Variants in YPEL2 observed in about 807,000 individuals in gnomAD.
YPEL2 encodes yippee like 2, also known as protein yippee-like 2.
In YPEL2, 2 loss-of-function variants were observed where a neutral mutation model predicts 19.1. The ratio of observed to expected loss-of-function variants is 0.10; its 90% CI spans 0.04 to 0.33. YPEL2 has a LOEUF of 0.33. YPEL2 is among the 10% of genes least tolerant of loss of function. The probability of loss-of-function intolerance (pLI) is 1.00; values close to 1 mark genes in which losing one functional copy is unlikely to be tolerated. For synonymous variants in YPEL2, 52 were observed against 50.0 expected (o/e 1.04, Z -0.17); for missense variants, 66 against 140.7 (o/e 0.47, Z 2.68).
intron 2 of YPEL2, among the ~76,000 whole-genome samples, chr17:59,379,010 A>T (rs539717610): frequency 1.3e-5 from 2 of 152,332 alleles, no homozygotes; most frequent in African/African-American, 4.8e-5. Context: ...CTATGTCCCC[A>T]TGTGGAAGAC....
intron 2 of YPEL2, among the ~76,000 whole-genome samples, chr17:59,357,778 G>A (rs1184238978): frequency 6.6e-6 from 1 of 152,010 alleles, no homozygotes; most frequent in African/African-American, 2.4e-5. Context: ...ACCCCTTGAT[G>A]GCATTGTGGA....
At chr17:59,383,985 G>A (rs2047967746) in intron 2 of YPEL2, among the ~76,000 whole-genome samples, 1 of 152,172 alleles carries the variant, frequency 6.6e-6, no homozygotes, top group Non-Finnish European at 1.5e-5. Flanking sequence ...CTCTCATATA[G>A]GTTTTTGTAT....
intron 2 of YPEL2, among the ~76,000 whole-genome samples, chr17:59,383,823 A>T (rs1437895081): frequency 3.3e-5 from 5 of 151,500 alleles, no homozygotes; most frequent in Admixed American, 6.6e-5. Context: ...TGTATTTCAG[A>T]TTCATCCGTG....
Position 59,357,501 on chromosome 17 carries a change from G to C in YPEL2, c.117+3975G>C, listed in dbSNP as rs191822405. Reference sequence around the variant, plus strand: ...GGGGTGTTGTGGTCTAAATGCTGGAGTGTTTGCACACAGAGGTATTTTGAG... The same window carrying C: ...GGGGTGTTGTGGTCTAAATGCTGGACTGTTTGCACACAGAGGTATTTTGAG... On this transcript the variant is annotated intron_variant, in intron 2 of 4. Coordinates refer to ENST00000312655, the MANE Select transcript of YPEL2 (RefSeq NM_001005404.4). Among the ~76,000 whole-genome samples the C allele has an allele frequency of 5.7e-4, 87 of 152,276 alleles. 1 individual carries two copies. Among genetic ancestry groups the C allele is most frequent in the African/African-American group, 2.0e-3 (84 of 41,554 alleles).
At chr17:59,395,406 G>A (rs1404515617) in intron 4 of YPEL2, among the ~76,000 whole-genome samples, 1 of 152,184 alleles carries the variant, frequency 6.6e-6, no homozygotes, top group African/African-American at 2.4e-5. Context: ...CTCAGGGAAG[G>A]GCTGATGTCC....
intron 4 of YPEL2, among the ~76,000 whole-genome samples, chr17:59,394,185 C>A (rs150405101): frequency 3.3e-5 from 5 of 151,254 alleles, no homozygotes; most frequent in African/African-American, 9.7e-5. Flanking sequence ...GCTGGCCGGG[C>A]GGGGGGCTGA....
At chr17:59,358,589 GT>G (rs796224293) in intron 2 of YPEL2, among the ~76,000 whole-genome samples, 39 of 147,632 alleles carry the variant, frequency 2.6e-4, no homozygotes, top group Admixed American at 6.8e-4. Context: ...TCAGTTTGTG[GT>G]TTTTTTTTTG....
intron 1 of YPEL2, among the ~76,000 whole-genome samples, chr17:59,347,692 G>A (rs540401160): frequency 7.9e-5 from 12 of 152,242 alleles, no homozygotes; most frequent in South Asian, 4.1e-4. Flanking sequence ...TATTATTGCC[G>A]CCTTGTCTCA....
chr17:59,372,325 G>A (rs1271295965), intron 2 of YPEL2, among the ~76,000 whole-genome samples: 1 of 152,234 alleles, frequency 6.6e-6, no homozygotes, highest in Non-Finnish European at 1.5e-5. Context: ...TGCTAGGCTT[G>A]TGGCTGACCT....
intron 1 of YPEL2, among the ~76,000 whole-genome samples, chr17:59,340,415 TTA>T (rs2147934169): frequency 1.3e-5 from 2 of 149,470 alleles, no homozygotes; most frequent in African/African-American, 5.0e-5. Flanking sequence ...AGCTGGAACT[TTA>T]TTTATTTTTT....
intron 2 of YPEL2, among the ~76,000 whole-genome samples, chr17:59,358,521 C>A (rs1000938001): frequency 6.6e-5 from 10 of 151,978 alleles, no homozygotes; most frequent in African/African-American, 2.4e-4. Context: ...CGAGATCTGA[C>A]CCATCCTGTC....
At position 59,344,111 on chromosome 17, in the gene YPEL2, C is replaced by T. The variant is rs139290325; in HGVS notation, c.-195-9104C>T. ...GTCTCACTACATTGCCCAGGCTGGTCTGGAACTCCTGGGCTCAAATGATCC... is the reference window on the plus strand; with the variant it reads ...GTCTCACTACATTGCCCAGGCTGGTTTGGAACTCCTGGGCTCAAATGATCC... On this transcript the variant is annotated intron_variant, in intron 1 of 4. Coordinates refer to ENST00000312655, the MANE Select transcript of YPEL2 (RefSeq NM_001005404.4). Among the ~76,000 whole-genome samples the T allele has an allele frequency of 3.9e-5, 6 of 152,272 alleles. No homozygotes were observed. In the East Asian group the frequency reaches 1.2e-3, roughly 29 times the overall value.
At chr17:59,385,633 G>A (rs1243948278) in intron 2 of YPEL2, among the ~76,000 whole-genome samples, 2 of 152,240 alleles carry the variant, frequency 1.3e-5, no homozygotes, top group South Asian at 2.1e-4. Flanking sequence ...AATCGCCTAT[G>A]GATCTATAAG....
At chr17:59,344,555 C>T (rs1332095930) in intron 1 of YPEL2, among the ~76,000 whole-genome samples, 5 of 152,072 alleles carry the variant, frequency 3.3e-5, no homozygotes, top group African/African-American at 4.8e-5. Context: ...GTCAGGAGTT[C>T]GAGACCAGCC....
At chr17:59,391,008 T>A (rs1055342167) in intron 4 of YPEL2, among the ~76,000 whole-genome samples, 1 of 152,230 alleles carries the variant, frequency 6.6e-6, no homozygotes, top group Non-Finnish European at 1.5e-5. Flanking sequence ...ACTTAAATTG[T>A]TATTTTTATT....
At chr17:59,383,655 C>A (rs1428588887) in intron 2 of YPEL2, among the ~76,000 whole-genome samples, 2 of 78,550 alleles carry the variant, frequency 2.5e-5, no homozygotes, top group Non-Finnish European at 4.8e-5. Flanking sequence ...TATATATGGT[C>A]TAATAGTGAT....
intron 2 of YPEL2, chr17:59,363,367 G>GCGTGATCTCTGCTCACTGCAGCCTC (rs2047851833): frequency 6.6e-6 from 1 of 152,456 alleles, no homozygotes; most frequent in Non-Finnish European, 1.5e-5. Flanking sequence ...CAGTGCAGTG[G>GCGTGATCTCTGCTCACTGCAGCCTC]CGTGATCTCT....
intron 1 of YPEL2, among the ~76,000 whole-genome samples, chr17:59,344,176 G>T (rs1208434307): frequency 2.0e-5 from 3 of 152,142 alleles, no homozygotes; most frequent in Non-Finnish European, 4.4e-5. Context: ...TTACAGGCAT[G>T]AGCCACTGTG....
intron 2 of YPEL2, among the ~76,000 whole-genome samples, chr17:59,383,994 A>G (rs976863719): frequency 1.3e-5 from 2 of 152,184 alleles, no homozygotes; most frequent in African/African-American, 4.8e-5. Context: ...AGGTTTTTGT[A>G]TAAACATAGG....
Sources: allele counts gnomAD v4.1 joint callset (sites outside exome capture counted in the v4.1 genomes callset), GRCh38; gene constraint gnomAD v4.1.1; transcripts MANE v1.5; gene names NCBI Gene and HGNC (gene_info 2026-07-23, HGNC 2026-07-21).